SPIRE1: variants seen among roughly 807,000 people sequenced by gnomAD.
SPIRE1 encodes spire type actin nucleation factor 1, also known as protein spire homolog 1.
SPIRE1 carries 40 observed loss-of-function variants against 94.1 expected under a neutral mutation model. That is an observed-to-expected ratio of 0.43 (90% CI 0.33 to 0.55). The LOEUF (loss-of-function observed/expected upper bound fraction) is 0.55. SPIRE1 is among the 20% of genes least tolerant of loss of function. The pLI is 0.06. For synonymous variants in SPIRE1, 376 were observed against 371.7 expected, an observed-to-expected ratio of 1.01 and a Z score of -0.13; for missense variants, 838 against 975.2, an observed-to-expected ratio of 0.86 and a Z score of 1.87.
chr18:12,648,436 A>T (rs1403429059), intron 1 of SPIRE1, among the ~76,000 whole-genome samples: 2 of 152,208 alleles, frequency 1.3e-5, no homozygotes, highest in Non-Finnish European at 2.9e-5. Flanking sequence ...AGCCATAAAA[A>T]TACCAGGCAA....
At chr18:12,570,991 T>A (rs893595241) in intron 2 of SPIRE1, among the ~76,000 whole-genome samples, 1 of 152,196 alleles carries the variant, frequency 6.6e-6, no homozygotes, top group Non-Finnish European at 1.5e-5. Context: ...AGTGTGTGTT[T>A]CTTTTTTTTA....
Position 12,589,860 on chromosome 18 carries a change from C to T in SPIRE1, c.373-42956G>A, listed in dbSNP as rs553498004. On this transcript the variant is annotated intron_variant, in intron 2 of 16. Transcript: ENST00000409402. ...TTAAGAATTAGTTTATTCTTTGCTA[C>T]AGCATAGTTTAATGCAACAATGATA... is the stretch of plus-strand genomic sequence containing the variant. 2.0e-5 allele frequency among the ~76,000 whole-genome samples: 3 copies of T among 152,298 alleles called. No homozygotes were observed. The East Asian group carries it at 5.8e-4, about 29-fold the overall frequency.
chr18:12,599,104 A>G lies in SPIRE1; in HGVS notation c.372+35958T>C, dbSNP rs374784505. On this transcript the variant is annotated intron_variant, in intron 2 of 16. Coordinates refer to ENST00000409402, the MANE Select transcript of SPIRE1 (RefSeq NM_001128626.2). Reference sequence around the variant, plus strand: ...TCTCCAAATATCTACAAATAAGGGCATGTCTTAGATGACCACAATATAATT... The same window carrying G: ...TCTCCAAATATCTACAAATAAGGGCGTGTCTTAGATGACCACAATATAATT... Among the ~76,000 whole-genome samples, 9 of 152,356 alleles carry G rather than the reference A, an allele frequency of 5.9e-5. No homozygotes were observed. The East Asian group carries it at 1.3e-3, about 23-fold the overall frequency.
At chr18:12,459,093 G>A (rs934050836) in intron 12 of SPIRE1, among the ~76,000 whole-genome samples, 20 of 152,314 alleles carry the variant, frequency 1.3e-4, no homozygotes, top group East Asian at 1.2e-3. Context: ...TTTATTTCAC[G>A]TAGAATTGTG....
chr18:12,658,323 C>G (rs2038622323), upstream of SPIRE1: 1 of 438,354 alleles, frequency 2.3e-6, no homozygotes, highest in Admixed American at 2.4e-5. Context: ...TCGCAAGGGA[C>G]ACACAGCTGG....
upstream of SPIRE1, among the ~76,000 whole-genome samples, chr18:12,659,385 G>A (rs554491332): frequency 6.6e-6 from 1 of 152,202 alleles, no homozygotes; most frequent in Non-Finnish European, 1.5e-5. Context: ...AATTGAAAGA[G>A]GGCCGTGCGC....
At chr18:12,643,708 C>T (rs2038144307) in intron 1 of SPIRE1, among the ~76,000 whole-genome samples, 1 of 152,138 alleles carries the variant, frequency 6.6e-6, no homozygotes, top group African/African-American at 2.4e-5. Context: ...ACATAGACTA[C>T]ACTTTGCCAT....
At chr18:12,654,925 G>C (rs1598591463) in intron 1 of SPIRE1, among the ~76,000 whole-genome samples, 1 of 151,966 alleles carries the variant, frequency 6.6e-6, no homozygotes, top group African/African-American at 2.4e-5. Context: ...CTGCTCGGGA[G>C]GCTGAGGCAA....
intron 6 of SPIRE1, among the ~76,000 whole-genome samples, chr18:12,505,827 G>A (rs1030594280): frequency 3.3e-5 from 5 of 152,034 alleles, no homozygotes; most frequent in Non-Finnish European, 7.4e-5. Context: ...TGATAATATT[G>A]AATATATAAT....
At chr18:12,526,487 CTT>C (rs1392095985) in intron 4 of SPIRE1, among the ~76,000 whole-genome samples, 20 of 152,106 alleles carry the variant, frequency 1.3e-4, no homozygotes, top group Non-Finnish European at 2.2e-4. Flanking sequence ...TCCTTACTCT[CTT>C]GAGTTCTGTG....
chr18:12,505,803 T>C (rs1419352169), intron 6 of SPIRE1, among the ~76,000 whole-genome samples: 1 of 152,202 alleles, frequency 6.6e-6, no homozygotes, highest in Admixed American at 6.5e-5. Flanking sequence ...AGAAACGATA[T>C]AGCCATTTAG....
At chr18:12,616,013 A>C (rs990743066) in intron 2 of SPIRE1, among the ~76,000 whole-genome samples, 10 of 152,166 alleles carry the variant, frequency 6.6e-5, no homozygotes, top group African/African-American at 2.4e-4. Flanking sequence ...CTATTTTAAA[A>C]CAGAAAACTT....
intron 12 of SPIRE1, among the ~76,000 whole-genome samples, chr18:12,459,333 G>A (rs956765393): frequency 3.3e-5 from 5 of 152,174 alleles, no homozygotes; most frequent in Admixed American, 1.3e-4. Flanking sequence ...GTGGGTGGGC[G>A]GAGTCCACCA....
chr18:12,640,714 G>A (rs933122420), intron 1 of SPIRE1, among the ~76,000 whole-genome samples: 5 of 152,276 alleles, frequency 3.3e-5, no homozygotes, highest in East Asian at 1.9e-4. Flanking sequence ...ACTGCAGGGC[G>A]GGAAGAAGAA....
chr18:12,660,381 C>CCG (rs1268308968), upstream of SPIRE1, among the ~76,000 whole-genome samples: 2 of 150,160 alleles, frequency 1.3e-5, no homozygotes, highest in Non-Finnish European at 2.9e-5. Context: ...AGGGTCAGTG[C>CCG]CGCGATTTCA....
intron 2 of SPIRE1, among the ~76,000 whole-genome samples, chr18:12,587,891 T>C (rs2036431804): frequency 6.6e-6 from 1 of 152,192 alleles, no homozygotes; most frequent in South Asian, 2.1e-4. Flanking sequence ...TTTAATATAC[T>C]CAGAGTTGTA....
chr18:12,644,915 C>G (rs1249438678), intron 1 of SPIRE1, among the ~76,000 whole-genome samples: 1 of 152,086 alleles, frequency 6.6e-6, no homozygotes, highest in East Asian at 1.9e-4. Flanking sequence ...ACAAGAAGGG[C>G]TGGACAAATA....
At chr18:12,572,257 A>C (rs753127749) in intron 2 of SPIRE1, among the ~76,000 whole-genome samples, 1 of 152,186 alleles carries the variant, frequency 6.6e-6, no homozygotes, top group African/African-American at 2.4e-5. Context: ...GTCTTTATCA[A>C]ATAAAATTAA....
At chr18:12,558,476 G>T (rs545065545) in intron 2 of SPIRE1, among the ~76,000 whole-genome samples, 3 of 152,198 alleles carry the variant, frequency 2.0e-5, no homozygotes, top group Non-Finnish European at 4.4e-5. Flanking sequence ...AAGGGGACTC[G>T]AGCAGCGTGC....
Sources: allele counts gnomAD v4.1 joint callset (sites outside exome capture counted in the v4.1 genomes callset), GRCh38; gene constraint gnomAD v4.1.1; transcripts MANE v1.5; gene names NCBI Gene and HGNC (gene_info 2026-07-23, HGNC 2026-07-21).